Variants in SEPTIN14 observed in about 807,000 individuals in gnomAD.
The protein encoded by SEPTIN14 is septin-14.
In SEPTIN14, 40 loss-of-function variants were observed where a neutral mutation model predicts 53.6. That is an observed-to-expected ratio of 0.75 (90% CI 0.58 to 0.97). The LOEUF (loss-of-function observed/expected upper bound fraction) is 0.97. Ranked by LOEUF, SEPTIN14 falls within the 50% of genes least tolerant of loss-of-function variation. The pLI is 0.00. For synonymous variants in SEPTIN14, 138 were observed against 166.8 expected, an observed-to-expected ratio of 0.83 and a Z score of 1.33; for missense variants, 471 against 508.2, an observed-to-expected ratio of 0.93 and a Z score of 0.70.
intron 5 of SEPTIN14, among the ~76,000 whole-genome samples, chr7:55,840,255 G>A (rs563321942): frequency 3.0e-4 from 45 of 151,598 alleles, no homozygotes; most frequent in Non-Finnish European, 5.3e-4. Flanking sequence ...TTGGGAGGCC[G>A]AGGTGGGTGG....
At chr7:55,828,731 G>A (rs1037035975) in intron 6 of SEPTIN14, among the ~76,000 whole-genome samples, 23 of 152,162 alleles carry the variant, frequency 1.5e-4, no homozygotes, top group Middle Eastern at 3.4e-3. Flanking sequence ...TCCTTTATAG[G>A]TGATTTGAAA....
chr7:55,814,685 T>C (rs138240565), intron 7 of SEPTIN14, among the ~76,000 whole-genome samples: 2 of 152,344 alleles, frequency 1.3e-5, no homozygotes, highest in East Asian at 3.9e-4. Context: ...TTCATGTTCA[T>C]GGATTGGAAG....
chr7:55,798,029 A>C (rs1242619753), intron 9 of SEPTIN14: 1 of 165,348 alleles, frequency 6.0e-6, no homozygotes, highest in Non-Finnish European at 1.3e-5. Context: ...ACCCCTGCCC[A>C]GACCATGTAC....
chr7:55,823,405 A>T (rs1460808006), intron 6 of SEPTIN14, among the ~76,000 whole-genome samples: 1 of 152,104 alleles, frequency 6.6e-6, no homozygotes, highest in Non-Finnish European at 1.5e-5. Context: ...CTGTTCCATC[A>T]CTCAATAAAA....
At chr7:55,822,221 G>A (rs1316255928) in intron 6 of SEPTIN14, among the ~76,000 whole-genome samples, 1 of 152,078 alleles carries the variant, frequency 6.6e-6, no homozygotes, top group Non-Finnish European at 1.5e-5. Context: ...TTCTAGATGA[G>A]AAAAAGATAA....
At chr7:55,860,420 G>A (rs999046947) in intron 2 of SEPTIN14, among the ~76,000 whole-genome samples, 3 of 151,976 alleles carry the variant, frequency 2.0e-5, no homozygotes, top group African/African-American at 7.2e-5. Flanking sequence ...TTGGCTGGTG[G>A]GTTCAAACAT....
chr7:55,834,426 C>A lies in SEPTIN14; in HGVS notation c.719G>T (p.Ser240Ile). ...GTCAGATATGTTACTGAAACTTACA[C>A]TAACTGAGGAGTTCGCTTGAGCAGC... The part of the protein sequence containing the change: ...ETAAQANSSV[S>I]GLLPFAVVGS... Residue 240 changes from serine to isoleucine, a missense_variant and splice_region_variant, in exon 6 of 10, where the codon AGT (serine) becomes ATT (isoleucine). By Grantham distance (142) the Ser-to-Ile change is moderately radical. Transcript: ENST00000388975. 1 of 1,602,064 alleles carries A rather than the reference C, an allele frequency of 6.2e-7. No homozygotes were observed. The highest frequency in any genetic ancestry group is 1.9e-4 in the Middle Eastern group (1 of 5,336).
chr7:55,848,542 C>T (rs1395294116), intron 2 of SEPTIN14, among the ~76,000 whole-genome samples: 1 of 151,958 alleles, frequency 6.6e-6, no homozygotes, highest in Non-Finnish European at 1.5e-5. Context: ...AACAATCCTC[C>T]TGCCTTAGCC....
chr7:55,828,244 C>A (rs1789024162), intron 6 of SEPTIN14, among the ~76,000 whole-genome samples: 2 of 147,320 alleles, frequency 1.4e-5, no homozygotes, highest in South Asian at 2.1e-4. Context: ...AAAAAAAAAA[C>A]AATTGAATTT....
At chr7:55,851,983 A>C (rs191710747) in intron 2 of SEPTIN14, among the ~76,000 whole-genome samples, 86 of 152,218 alleles carry the variant, frequency 5.6e-4, no homozygotes, top group Non-Finnish European at 1.1e-3. Context: ...TCTACTAAAA[A>C]TACAAAAAAT....
chr7:55,825,082 T>C (rs1788960059), intron 6 of SEPTIN14, among the ~76,000 whole-genome samples: 1 of 152,184 alleles, frequency 6.6e-6, no homozygotes, highest in Non-Finnish European at 1.5e-5. Flanking sequence ...TTGCTAAAAC[T>C]TGAAAGCATC....
chr7:55,796,566 C>T (rs1477509637), intron 9 of SEPTIN14, among the ~76,000 whole-genome samples: 3 of 151,980 alleles, frequency 2.0e-5, no homozygotes, highest in Non-Finnish European at 4.4e-5. Flanking sequence ...ACTATGTTGC[C>T]CAGGCTGGTC....
chr7:55,843,959 A>G (rs1789358506), intron 4 of SEPTIN14, among the ~76,000 whole-genome samples: 1 of 152,060 alleles, frequency 6.6e-6, no homozygotes, highest in African/African-American at 2.4e-5. Flanking sequence ...ACATAGCAAG[A>G]CCCCATCTAT....
intron 6 of SEPTIN14, among the ~76,000 whole-genome samples, chr7:55,828,998 C>A (rs1368863717): frequency 6.6e-6 from 1 of 151,104 alleles, no homozygotes; most frequent in Non-Finnish European, 1.5e-5. Context: ...ATTTATTGAA[C>A]TCTTGATTAT....
intron 2 of SEPTIN14, among the ~76,000 whole-genome samples, chr7:55,847,285 A>G (rs1005967335): frequency 6.6e-6 from 1 of 152,110 alleles, no homozygotes; most frequent in African/African-American, 2.4e-5. Flanking sequence ...TAACATAATA[A>G]ATTATTTCTT....
chr7:55,801,185 A>C (rs1239624873), intron 9 of SEPTIN14, among the ~76,000 whole-genome samples: 2 of 152,102 alleles, frequency 1.3e-5, no homozygotes, highest in African/African-American at 2.4e-5. Flanking sequence ...AAAGCAAGAA[A>C]ATAGTAAAAA....
At chr7:55,810,795 C>T (rs147438984) in intron 7 of SEPTIN14, 11 of 204,194 alleles carry the variant, frequency 5.4e-5, no homozygotes, top group African/African-American at 1.4e-4. Context: ...GTTATAAATC[C>T]GCTCTCCTGT....
intron 6 of SEPTIN14, among the ~76,000 whole-genome samples, chr7:55,826,666 G>C (rs1289487974): frequency 6.6e-6 from 1 of 151,874 alleles, no homozygotes; most frequent in Non-Finnish European, 1.5e-5. Flanking sequence ...ATGTGATATA[G>C]GGTGCCTGTA....
At chr7:55,804,167 T>G (rs1788573199) in intron 9 of SEPTIN14, among the ~76,000 whole-genome samples, 1 of 146,784 alleles carries the variant, frequency 6.8e-6, no homozygotes, top group Non-Finnish European at 1.5e-5. Flanking sequence ...AAAGTCTTCA[T>G]GAGATCCAGC....
Sources: gnomAD v4.1 joint callset for allele counts (sites outside exome capture counted in the v4.1 genomes callset) on GRCh38, gnomAD v4.1.1 for gene constraint, MANE v1.5 for transcripts, NCBI Gene and HGNC (gene_info 2026-07-23, HGNC 2026-07-21) for gene names.